MAPT: variants seen among roughly 807,000 people sequenced by gnomAD.
MAPT encodes the protein microtubule associated protein tau.
Under a neutral mutation model 67.9 loss-of-function variants are expected in MAPT, and 34 were observed. That is an observed-to-expected ratio of 0.50 (90% CI 0.38 to 0.67). MAPT has a LOEUF of 0.67. Among genes scored for constraint, MAPT ranks in the 30% least tolerant of loss-of-function variants. The pLI, the probability that MAPT is intolerant of heterozygous loss-of-function variation, is 0.00. For synonymous variants in MAPT, 456 were observed against 464.5 expected (o/e 0.98, Z 0.23); for missense variants, 881 against 1,115.2 (o/e 0.79, Z 2.99).
chr17:45,910,279 G>T (rs1418938376), intron 1 of MAPT, among the ~76,000 whole-genome samples: 1 of 152,124 alleles, frequency 6.6e-6, no homozygotes, highest in Non-Finnish European at 1.5e-5. Flanking sequence ...TTCTTAACAT[G>T]AGCCTGTGAG....
At chr17:45,998,603 A>T (rs1406775095) in intron 9 of MAPT, among the ~76,000 whole-genome samples, 3 of 152,122 alleles carry the variant, frequency 2.0e-5, no homozygotes, top group Non-Finnish European at 1.5e-5. Context: ...TTTCCTGCTC[A>T]GGCATGTGGA....
At chr17:45,898,471 T>C (rs1362288124) in intron 1 of MAPT, 1 of 152,248 alleles carries the variant, frequency 6.6e-6, no homozygotes, top group Non-Finnish European at 1.5e-5. Context: ...CTCATGCCCT[T>C]GGAGGTCGGT....
At chr17:45,922,547 T>C (rs926063606) in intron 1 of MAPT, among the ~76,000 whole-genome samples, 3 of 149,660 alleles carry the variant, frequency 2.0e-5, no homozygotes, top group African/African-American at 7.3e-5. Context: ...AGTTTTATAT[T>C]CTACCTATAT....
intron 4 of MAPT, chr17:45,979,015 A>C (rs952766494): frequency 3.9e-5 from 6 of 152,656 alleles, no homozygotes; most frequent in African/African-American, 1.4e-4. Context: ...AAAAAAAAAA[A>C]GAAACTCAAA....
At chr17:45,920,913 G>A (rs558240977) in intron 1 of MAPT, among the ~76,000 whole-genome samples, 37 of 152,330 alleles carry the variant, frequency 2.4e-4, no homozygotes, top group African/African-American at 7.2e-4. Flanking sequence ...CTGGCACGCC[G>A]TGTATACTTA....
At position 46,024,088 on chromosome 17, in the gene MAPT, G is replaced by A. The variant is rs768841567; in HGVS notation, c.2419G>A (p.Gly807Ser). The change falls in exon 13 of 13, where the codon GGC (glycine) becomes AGC (serine). Residue 807 changes from glycine (G) to serine (S), a missense_variant. By Grantham distance (56) the Gly-to-Ser change is moderately conservative (BLOSUM62 0). This residue lies in a region of MAPT where 79 missense variants were observed against 150.9 expected (regional missense o/e 0.52). Transcript: ENST00000262410. The part of the protein sequence containing the change: ...PRHLSNVSST[G>S]SIDMVDSPQL... ...GCATCTCAGCAATGTCTCCTCCACC[G>A]GCAGCATCGACATGGTAGACTCGCC... 32 of 1,613,990 alleles carry A rather than the reference G, an allele frequency of 2.0e-5. No homozygotes were observed. Among genetic ancestry groups the A allele is most frequent in the South Asian group, 3.3e-5 (3 of 91,090 alleles).
At chr17:46,014,758 C>G (rs1417143419) in intron 11 of MAPT, among the ~76,000 whole-genome samples, 1 of 152,022 alleles carries the variant, frequency 6.6e-6, no homozygotes, top group Non-Finnish European at 1.5e-5. Flanking sequence ...CCTGTAGTCC[C>G]AGCTACTCCG....
chr17:45,998,838 G>A (rs757899903), intron 9 of MAPT, among the ~76,000 whole-genome samples: 3 of 152,208 alleles, frequency 2.0e-5, no homozygotes, highest in African/African-American at 7.2e-5. Flanking sequence ...TGGGACCACC[G>A]TGACTTTCAT....
chr17:45,983,561 G>C lies in MAPT; in HGVS notation c.982G>C (p.Ala328Pro), dbSNP rs944505862. The change falls in exon 5 of 13, where the codon GCC becomes CCC. Residue 328 changes from alanine to proline, a missense_variant. Ala to Pro is a conservative substitution (Grantham distance 27, BLOSUM62 -1). This residue lies in a region of MAPT where 687 missense variants were observed against 766.1 expected (regional missense o/e 0.90). Coordinates refer to ENST00000262410, the MANE Select transcript of MAPT (RefSeq NM_001377265.1). ...GRPPQTAARE[A>P]TSIPGFPAEG... ...GCCTCCCCAGACAGCCGCCAGAGAA[G>C]CCACCAGCATCCCAGGCTTCCCAGC... 6.2e-6 allele frequency: 10 copies of C among 1,612,980 alleles called. No individual in the cohort carries two copies. The African/African-American group carries it at 1.1e-4, about 17-fold the overall frequency.
At chr17:45,936,056 G>T (rs1291464789) in intron 1 of MAPT, among the ~76,000 whole-genome samples, 3 of 152,220 alleles carry the variant, frequency 2.0e-5, no homozygotes, top group Non-Finnish European at 4.4e-5. Context: ...CCTTTGCTCA[G>T]CATGAAGCCA....
At chr17:46,002,202 G>A (rs569912553) in intron 9 of MAPT, among the ~76,000 whole-genome samples, 36 of 152,300 alleles carry the variant, frequency 2.4e-4, no homozygotes, top group Non-Finnish European at 4.9e-4. Context: ...GGTGGTGGAC[G>A]GTGGCCCTGA....
At position 46,024,392 on chromosome 17, in the gene MAPT, T is replaced by G; in HGVS notation, c.*221T>G. ...AATTTCATCTTTCCAAATTGATGGG[T>G]GGGCTAGTAATAAAATATTTAAAAA... On this transcript the variant is annotated 3_prime_UTR_variant, in exon 13 of 13. Coordinates refer to ENST00000262410, the MANE Select transcript of MAPT (RefSeq NM_001377265.1). 1 of 595,682 alleles carries G rather than the reference T, an allele frequency of 1.7e-6. No homozygotes were observed. The highest frequency in any genetic ancestry group is 3.0e-6 in the Non-Finnish European group (1 of 334,090). 36.9% of individuals were successfully genotyped at this position (595,682 alleles called of 1,614,324 possible).
At chr17:45,966,780 CAT>C (rs1035654959) in intron 2 of MAPT, among the ~76,000 whole-genome samples, 18 of 152,256 alleles carry the variant, frequency 1.2e-4, no homozygotes, top group African/African-American at 4.1e-4. Context: ...TATGCCAAAA[CAT>C]ATGTGTGTGT....
At chr17:46,012,211 G>C (rs2075863205) in intron 10 of MAPT, among the ~76,000 whole-genome samples, 1 of 152,196 alleles carries the variant, frequency 6.6e-6, no homozygotes, top group Admixed American at 6.5e-5. Context: ...GCTGGGGAGA[G>C]AGTGCACACG....
At chr17:46,012,990 C>G (rs947284957) in intron 10 of MAPT, among the ~76,000 whole-genome samples, 1 of 152,178 alleles carries the variant, frequency 6.6e-6, no homozygotes, top group Non-Finnish European at 1.5e-5. Context: ...CATCTCTGCC[C>G]CAGTTAACTC....
intron 1 of MAPT, among the ~76,000 whole-genome samples, chr17:45,956,121 G>T (rs2069625138): frequency 6.6e-6 from 1 of 152,212 alleles, no homozygotes; most frequent in Admixed American, 6.5e-5. Context: ...TAGAGTTAGT[G>T]CTCATGACCA....
At chr17:45,912,035 A>G (rs957384208) in intron 1 of MAPT, among the ~76,000 whole-genome samples, 4 of 152,150 alleles carry the variant, frequency 2.6e-5, no homozygotes, top group African/African-American at 4.8e-5. Context: ...TCAAAGATAA[A>G]AGATCTTGAT....
chr17:46,000,264 C>G (rs1430988130), intron 9 of MAPT, among the ~76,000 whole-genome samples: 1 of 152,224 alleles, frequency 6.6e-6, no homozygotes, highest in Non-Finnish European at 1.5e-5. Flanking sequence ...CGGAAAACGT[C>G]TGTTTTCCCC....
At chr17:45,912,762 G>T (rs960991490) in intron 1 of MAPT, among the ~76,000 whole-genome samples, 2 of 152,178 alleles carry the variant, frequency 1.3e-5, no homozygotes, top group African/African-American at 4.8e-5. Flanking sequence ...AATATTACTT[G>T]TTGTTCACCT....
Sources: gnomAD v4.1 joint callset for allele counts (sites outside exome capture counted in the v4.1 genomes callset) on GRCh38, gnomAD v4.1.1 for gene constraint, gnomAD v4.1.1 regional missense constraint, MANE v1.5 for transcripts, NCBI Gene and HGNC (gene_info 2026-07-23, HGNC 2026-07-21) for gene names.